LARGE1: variants seen among roughly 807,000 people sequenced by gnomAD.
LARGE1 encodes the protein LARGE xylosyl- and glucuronyltransferase 1.
A neutral mutation model predicts 87.6 loss-of-function variants in LARGE1; 43 were observed. That is an observed-to-expected ratio of 0.49 (90% CI 0.38 to 0.63). LARGE1 has a LOEUF of 0.63. LARGE1 is among the 30% of genes least tolerant of loss of function. The pLI is 0.00. For missense variants in LARGE1, 802 were observed against 1,000.2 expected (o/e 0.80, Z 2.67); for synonymous variants, 434 against 394.6 (o/e 1.10, Z -1.18).
chr22:33,689,166 T>TCTCTCC lies in LARGE1; in HGVS notation c.107-38499_107-38498insGGAGAG, dbSNP rs771515424. 3.2e-4 allele frequency among the ~76,000 whole-genome samples: 41 copies of TCTCTCC among 128,984 alleles called. No individual in the cohort carries two copies. In the East Asian group the frequency reaches 4.0e-3, roughly 12 times the overall value. The allele number at this position is 128,984 out of a possible 152,430, so 84.6% of individuals were successfully genotyped here. ...TACTGTCTCTCTCTCTCTCTCTCTC[T>TCTCTCC]CCCCCCTCCTGTGTGTGTATGTGTG... is the stretch of plus-strand genomic sequence containing the variant. On this transcript the variant is annotated intron_variant, in intron 2 of 14. Coordinates refer to ENST00000397394, the MANE Select transcript of LARGE1 (RefSeq NM_133642.5).
chr22:33,296,757 C>T (rs1377786275), intron 12 of LARGE1, among the ~76,000 whole-genome samples: 2 of 151,968 alleles, frequency 1.3e-5, no homozygotes, highest in East Asian at 1.9e-4. Context: ...TTAGTTGAGA[C>T]GGGGTTTCTC....
At chr22:33,850,042 G>C (rs1364793374) in intron 1 of LARGE1, among the ~76,000 whole-genome samples, 1 of 152,144 alleles carries the variant, frequency 6.6e-6, no homozygotes, top group African/African-American at 2.4e-5. Flanking sequence ...GCAATGATCT[G>C]GTTCTGTAGC....
At chr22:33,275,101 G>A (rs966009913) in intron 14 of LARGE1, among the ~76,000 whole-genome samples, 2 of 152,104 alleles carry the variant, frequency 1.3e-5, no homozygotes, top group African/African-American at 4.8e-5. Context: ...GCAAAAGAGG[G>A]TACAAAACAG....
intron 3 of LARGE1, among the ~76,000 whole-genome samples, chr22:33,629,950 G>A (rs1467072820): frequency 2.6e-5 from 4 of 152,164 alleles, no homozygotes; most frequent in Non-Finnish European, 5.9e-5. Context: ...TGCAATCCCA[G>A]CCCTTTGGGA....
At chr22:33,608,905 T>C (rs1891504383) in intron 4 of LARGE1, among the ~76,000 whole-genome samples, 2 of 152,176 alleles carry the variant, frequency 1.3e-5, no homozygotes, top group Non-Finnish European at 2.9e-5. Flanking sequence ...ATTGTGAGGA[T>C]AAAATAACAT....
intron 1 of LARGE1, among the ~76,000 whole-genome samples, chr22:33,874,697 A>T (rs2064409887): frequency 6.6e-6 from 1 of 152,154 alleles, no homozygotes; most frequent in Non-Finnish European, 1.5e-5. Flanking sequence ...CTTGGTACTT[A>T]ACTGTCTTTG....
rs958284346 is a variant in LARGE1 at position 33,312,407 on chromosome 22, T to G, written c.1451+3678A>C. Among the ~76,000 whole-genome samples, 4 of 143,510 alleles carry G rather than the reference T, an allele frequency of 2.8e-5. No homozygotes were observed. The Admixed American group carries it at 2.9e-4, about 10-fold the overall frequency. The allele number at this position is 143,510 out of a possible 152,430, so 94.1% of individuals were successfully genotyped here. A position where few individuals can be genotyped will look rare whatever the true frequency, so the allele number is the denominator to read the frequency against. On this transcript the variant is annotated intron_variant, in intron 11 of 14. Transcript: ENST00000397394. ...GTGAGCCGAGATTGCAACACTGCAC[T>G]CTGGCCTGGCGACACCGCAAGACTC...
At chr22:33,649,018 A>C (rs2080708425) in intron 3 of LARGE1, among the ~76,000 whole-genome samples, 1 of 152,216 alleles carries the variant, frequency 6.6e-6, no homozygotes, top group African/African-American at 2.4e-5. Flanking sequence ...GCTTGGCTGA[A>C]GGACCAACTT....
intron 1 of LARGE1, among the ~76,000 whole-genome samples, chr22:33,855,924 G>A (rs2063742727): frequency 6.6e-6 from 1 of 152,148 alleles, no homozygotes; most frequent in Non-Finnish European, 1.5e-5. Context: ...CAAAGAAACT[G>A]AAGCTTAAAA....
intron 9 of LARGE1, among the ~76,000 whole-genome samples, chr22:33,347,350 A>C (rs1409990253): frequency 1.3e-5 from 2 of 152,236 alleles, no homozygotes; most frequent in African/African-American, 4.8e-5. Context: ...GGAGTGCCAC[A>C]GTGCTTGGCA....
At chr22:33,708,650 G>C (rs978516237) in intron 2 of LARGE1, among the ~76,000 whole-genome samples, 5 of 152,180 alleles carry the variant, frequency 3.3e-5, no homozygotes, top group Non-Finnish European at 5.9e-5. Flanking sequence ...GCCCAGGCTG[G>C]AGTACAGTGG....
chr22:33,605,061 C>T (rs1327848679), intron 4 of LARGE1, among the ~76,000 whole-genome samples: 5 of 151,398 alleles, frequency 3.3e-5, no homozygotes, highest in South Asian at 2.1e-4. Flanking sequence ...ATGGAGTCAT[C>T]GGGAGCTCCC....
chr22:33,207,411 TC>T (rs1924739045), intron 11 of LARGE1, among the ~76,000 whole-genome samples: 1 of 152,218 alleles, frequency 6.6e-6, no homozygotes, highest in South Asian at 2.1e-4. Context: ...TGCATGATTC[TC>T]TTATGTGGGA....
intron 1 of LARGE1, among the ~76,000 whole-genome samples, chr22:33,788,818 A>C (rs886250704): frequency 2.0e-5 from 3 of 152,214 alleles, no homozygotes; most frequent in East Asian, 3.8e-4. Flanking sequence ...TCAAGAGGTG[A>C]CTTGGGTGCT....
At chr22:33,651,895 C>T (rs1037822831) in intron 2 of LARGE1, among the ~76,000 whole-genome samples, 1 of 152,126 alleles carries the variant, frequency 6.6e-6, no homozygotes. Context: ...GAGGCACGGC[C>T]GCGTGTGGTG....
At chr22:33,559,274 C>T (rs1384027643) in intron 6 of LARGE1, among the ~76,000 whole-genome samples, 5 of 152,246 alleles carry the variant, frequency 3.3e-5, no homozygotes, top group South Asian at 4.1e-4. Context: ...CTCTGCCTCC[C>T]GGTTTCAAGT....
At chr22:33,548,418 GT>G (rs199865081) in intron 6 of LARGE1, among the ~76,000 whole-genome samples, 2 of 98,746 alleles carry the variant, frequency 2.0e-5, no homozygotes, top group African/African-American at 6.6e-5. Context: ...CAGGCATTCC[GT>G]TTTTTTTTTC....
chr22:33,668,932 G>C (rs1457316523), intron 2 of LARGE1, among the ~76,000 whole-genome samples: 1 of 152,226 alleles, frequency 6.6e-6, no homozygotes, highest in African/African-American at 2.4e-5. Context: ...GGAAGGGCAA[G>C]AGAGGGTTAA....
chr22:33,852,227 G>A (rs920147577), intron 1 of LARGE1, among the ~76,000 whole-genome samples: 4 of 152,152 alleles, frequency 2.6e-5, no homozygotes, highest in African/African-American at 9.7e-5. Flanking sequence ...GAAGGCTGAT[G>A]TGAGCCAACG....
Sources: allele counts gnomAD v4.1 joint callset (sites outside exome capture counted in the v4.1 genomes callset), GRCh38; gene constraint gnomAD v4.1.1; transcripts MANE v1.5; gene names NCBI Gene and HGNC (gene_info 2026-07-23, HGNC 2026-07-21).